B3GALT1: variants seen among roughly 807,000 people sequenced by gnomAD.
The protein encoded by B3GALT1 is beta-1,3-galactosyltransferase 1.
In B3GALT1, 10 loss-of-function variants were observed where a neutral mutation model predicts 23.2. The ratio of observed to expected loss-of-function variants is 0.43; its 90% confidence interval spans 0.27 to 0.73. The LOEUF (loss-of-function observed/expected upper bound fraction) is 0.73. Among genes scored for constraint, B3GALT1 ranks in the 30% least tolerant of loss-of-function variants. B3GALT1 has a pLI of 0.21. For synonymous variants in B3GALT1, 156 were observed against 141.5 expected (o/e 1.10, Z -0.73); for missense variants, 299 against 405.4 (o/e 0.74, Z 2.25).
chr2:167,390,489 A>G (rs555954179), intron 1 of B3GALT1, among the ~76,000 whole-genome samples: 61 of 152,338 alleles, frequency 4.0e-4, no homozygotes, highest in African/African-American at 1.3e-3. Flanking sequence ...GCTCTCAATT[A>G]GAGTGCATGT....
At chr2:167,295,757 T>TTGTGTGTGTACGTGTGTGTGTG (rs1696339756) in intron 1 of B3GALT1, among the ~76,000 whole-genome samples, 1 of 142,704 alleles carries the variant, frequency 7.0e-6, no homozygotes, top group East Asian at 2.0e-4. Flanking sequence ...CATTTTAAGG[T>TTGTGTGTGTACGTGTGTGTGTG]TGTGTGTGTA....
intron 3 of B3GALT1, among the ~76,000 whole-genome samples, chr2:167,709,342 C>T (rs2105516824): frequency 6.6e-6 from 1 of 152,258 alleles, no homozygotes. Flanking sequence ...GCACTGTGCC[C>T]TGTGGACTTC....
intron 4 of B3GALT1, among the ~76,000 whole-genome samples, chr2:167,859,188 C>G (rs1319867051): frequency 6.6e-6 from 1 of 152,050 alleles, no homozygotes; most frequent in Non-Finnish European, 1.5e-5. Context: ...TGCCGGGCTT[C>G]TAGGCTCTAA....
At chr2:167,834,652 C>T (rs901031661) in intron 4 of B3GALT1, among the ~76,000 whole-genome samples, 1 of 152,092 alleles carries the variant, frequency 6.6e-6, no homozygotes, top group African/African-American at 2.4e-5. Flanking sequence ...AATTTGAGAC[C>T]AGCCTGGCCA....
At chr2:167,633,320 A>G (rs1043810114) in intron 2 of B3GALT1, among the ~76,000 whole-genome samples, 1 of 151,972 alleles carries the variant, frequency 6.6e-6, no homozygotes, top group African/African-American at 2.4e-5. Flanking sequence ...GGAACCGCCC[A>G]TCAGACTTGT....
chr2:167,501,919 T>C (rs970489348), intron 2 of B3GALT1, among the ~76,000 whole-genome samples: 1 of 152,194 alleles, frequency 6.6e-6, no homozygotes, highest in African/African-American at 2.4e-5. Flanking sequence ...GTCTCATTTC[T>C]GTTTTACACT....
chr2:167,726,130 T>C (rs1038063739), intron 3 of B3GALT1, among the ~76,000 whole-genome samples: 7 of 152,184 alleles, frequency 4.6e-5, no homozygotes, highest in Non-Finnish European at 1.0e-4. Flanking sequence ...CTTGGAGCTA[T>C]CCATGGAACT....
intron 2 of B3GALT1, among the ~76,000 whole-genome samples, chr2:167,540,028 C>T (rs889549409): frequency 6.6e-6 from 1 of 152,054 alleles, no homozygotes; most frequent in Non-Finnish European, 1.5e-5. Context: ...TAAAATGAAT[C>T]AATTTAAAGT....
intron 1 of B3GALT1, among the ~76,000 whole-genome samples, chr2:167,395,065 TAATATTAG>T (rs1203038590): frequency 1.3e-5 from 2 of 152,172 alleles, no homozygotes; most frequent in Non-Finnish European, 2.9e-5. Context: ...TTTGAGTTGA[TAATATTAG>T]AGGATTTTTA....
At chr2:167,295,248 TTTC>T (rs1696330607) in intron 1 of B3GALT1, among the ~76,000 whole-genome samples, 2 of 152,206 alleles carry the variant, frequency 1.3e-5, no homozygotes, top group African/African-American at 4.8e-5. Flanking sequence ...TGCTAAGTAT[TTTC>T]TTCTTAGCAT....
At chr2:167,851,142 T>C (rs1010665777) in intron 4 of B3GALT1, among the ~76,000 whole-genome samples, 1 of 152,166 alleles carries the variant, frequency 6.6e-6, no homozygotes, top group African/African-American at 2.4e-5. Context: ...ACATGCATCA[T>C]TTTTGTAATA....
chr2:167,572,412 G>T (rs571331030), intron 2 of B3GALT1, among the ~76,000 whole-genome samples: 1 of 151,860 alleles, frequency 6.6e-6, no homozygotes, highest in South Asian at 2.1e-4. Context: ...TCCAGAAAAC[G>T]TTTTTCAGAT....
chr2:167,756,260 GT>G (rs1687815595), intron 3 of B3GALT1, among the ~76,000 whole-genome samples: 1 of 152,112 alleles, frequency 6.6e-6, no homozygotes. Flanking sequence ...TATGCGTTAG[GT>G]TTTGAGGTAG....
rs190256144 is a variant in B3GALT1, at chr2:167,442,243, G to A, written c.-510-47934G>A. 3.9e-3 allele frequency among the ~76,000 whole-genome samples: 593 copies of A among 152,238 alleles called. 1 individual carries two copies. Among genetic ancestry groups the A allele is most frequent in the Non-Finnish European group, 6.6e-3 (448 of 68,024 alleles). ...TTTATGGCGCATAGTATTCCATGGT[G>A]TATATGTGCCACATTTTCTTAATCC... is the stretch of plus-strand genomic sequence containing the variant. On this transcript the variant is annotated intron_variant, in intron 1 of 4. Transcript: ENST00000392690.
chr2:167,585,061 C>T (rs985908825), intron 2 of B3GALT1, among the ~76,000 whole-genome samples: 2 of 152,192 alleles, frequency 1.3e-5, no homozygotes, highest in African/African-American at 4.8e-5. Flanking sequence ...GTAAACAGCT[C>T]TCATCCTGAA....
intron 3 of B3GALT1, among the ~76,000 whole-genome samples, chr2:167,692,285 C>CT (rs1686727314): frequency 6.6e-6 from 1 of 152,162 alleles, no homozygotes; most frequent in African/African-American, 2.4e-5. Flanking sequence ...TCCTACCCAT[C>CT]TCTTGCCTCT....
At chr2:167,569,194 G>T (rs1035813989) in intron 2 of B3GALT1, among the ~76,000 whole-genome samples, 11 of 151,686 alleles carry the variant, frequency 7.3e-5, no homozygotes, top group Admixed American at 1.3e-4. Flanking sequence ...TATTATATTT[G>T]TTATTCTGGA....
At chr2:167,396,534 ATG>A (rs67013700) in intron 1 of B3GALT1, among the ~76,000 whole-genome samples, 26,760 of 141,800 alleles carry the variant, frequency 0.19, 2,536 homozygotes, top group East Asian at 0.38. Context: ...ATATATATAT[ATG>A]TGTGTGTGTG....
chr2:167,407,971 C>T (rs1324240309), intron 1 of B3GALT1, among the ~76,000 whole-genome samples: 2 of 150,862 alleles, frequency 1.3e-5, no homozygotes, highest in Non-Finnish European at 3.0e-5. Context: ...CTTTAAAACT[C>T]ATTTTATGAG....
Sources: allele counts gnomAD v4.1 joint callset (sites outside exome capture counted in the v4.1 genomes callset), GRCh38; gene constraint gnomAD v4.1.1; transcripts MANE v1.5; gene names NCBI Gene and HGNC (gene_info 2026-07-23, HGNC 2026-07-21).